Variants in PDE1C observed in about 807,000 individuals in gnomAD.
PDE1C encodes phosphodiesterase 1C.
PDE1C carries 62 observed loss-of-function variants against 93.1 expected under a neutral mutation model. That is an observed-to-expected ratio of 0.67 (90% CI 0.54 to 0.82). PDE1C has a LOEUF of 0.82. PDE1C is among the 40% of genes least tolerant of loss of function. The pLI is 0.00. For missense variants in PDE1C, 742 were observed against 884.6 expected, an observed-to-expected ratio of 0.84 and a Z score of 2.04; for synonymous variants, 325 against 310.1, an observed-to-expected ratio of 1.05 and a Z score of -0.50.
chr7:31,842,214 T>C (rs1791995079), intron 9 of PDE1C, among the ~76,000 whole-genome samples: 2 of 152,182 alleles, frequency 1.3e-5, no homozygotes, highest in African/African-American at 4.8e-5. Context: ...AATATTTTAC[T>C]GAGAATTGTT....
At chr7:32,085,273 G>T (rs1367119103) in intron 3 of PDE1C, among the ~76,000 whole-genome samples, 1 of 137,034 alleles carries the variant, frequency 7.3e-6, no homozygotes, top group African/African-American at 2.8e-5. Flanking sequence ...TAAATTCCTC[G>T]ACACATACAC....
chr7:31,712,737 G>C, the PDE1C span, among the ~76,000 whole-genome samples: 1 of 152,178 alleles, frequency 6.6e-6, no homozygotes, highest in Non-Finnish European at 1.5e-5. Flanking sequence ...TGGCTGGGGA[G>C]GCCTCACAAT....
intron 12 of PDE1C, among the ~76,000 whole-genome samples, chr7:31,827,098 A>C (rs890207167): frequency 6.6e-6 from 1 of 152,204 alleles, no homozygotes; most frequent in Non-Finnish European, 1.5e-5. Context: ...AAGTATAAAC[A>C]CATGCTATTA....
intron 3 of PDE1C, among the ~76,000 whole-genome samples, chr7:32,077,269 G>A (rs560224507): frequency 1.1e-4 from 17 of 152,154 alleles, no homozygotes; most frequent in East Asian, 3.9e-4. Flanking sequence ...AAAAAATCAC[G>A]TATGGCCAGT....
chr7:32,271,233 C>A (rs1810941585), intron 1 of PDE1C, among the ~76,000 whole-genome samples: 2 of 152,228 alleles, frequency 1.3e-5, no homozygotes, highest in South Asian at 4.1e-4. Flanking sequence ...CCACCTTGGG[C>A]AAGTCTTCTG....
the PDE1C span, among the ~76,000 whole-genome samples, chr7:31,634,320 G>C: frequency 4.6e-5 from 7 of 152,134 alleles, no homozygotes; most frequent in African/African-American, 1.7e-4. Flanking sequence ...TACGAAGATT[G>C]AGTTATAACA....
intron 1 of PDE1C, among the ~76,000 whole-genome samples, chr7:32,236,875 C>T (rs1165106155): frequency 6.6e-6 from 1 of 152,042 alleles, no homozygotes; most frequent in Non-Finnish European, 1.5e-5. Context: ...TCACCAAAAA[C>T]TGGAAACAAC....
chr7:32,318,946 A>G (rs914846785), intron 1 of PDE1C, among the ~76,000 whole-genome samples: 1 of 152,192 alleles, frequency 6.6e-6, no homozygotes, highest in Non-Finnish European at 1.5e-5. Context: ...AATGGCTGAA[A>G]TCAGCGTTGG....
At chr7:31,955,511 C>A (rs910146869) in intron 2 of PDE1C, among the ~76,000 whole-genome samples, 2 of 152,060 alleles carry the variant, frequency 1.3e-5, no homozygotes, top group Non-Finnish European at 2.9e-5. Context: ...AGGCAATTTC[C>A]AGAGAGTAGG....
intron 2 of PDE1C, among the ~76,000 whole-genome samples, chr7:31,999,906 G>A (rs1469311613): frequency 6.6e-6 from 1 of 152,198 alleles, no homozygotes; most frequent in Non-Finnish European, 1.5e-5. Context: ...GTGGTGGGAA[G>A]AACAGGCACA....
intron 2 of PDE1C, among the ~76,000 whole-genome samples, chr7:32,050,788 A>G (rs1013762158): frequency 2.6e-5 from 4 of 152,210 alleles, no homozygotes; most frequent in African/African-American, 4.8e-5. Context: ...AAGTCAGCAA[A>G]CTACATCTGT....
intron 1 of PDE1C, among the ~76,000 whole-genome samples, chr7:32,331,613 G>A (rs1257510784): frequency 6.6e-6 from 1 of 152,154 alleles, no homozygotes; most frequent in East Asian, 1.9e-4. Flanking sequence ...CCAGCTCATT[G>A]GCCCATGGAA....
At chr7:32,270,646 G>A (rs925089958) in intron 1 of PDE1C, among the ~76,000 whole-genome samples, 2 of 152,154 alleles carry the variant, frequency 1.3e-5, no homozygotes, top group Admixed American at 6.5e-5. Context: ...GGCCCAAGGC[G>A]CCCCAAGCCT....
intron 2 of PDE1C, among the ~76,000 whole-genome samples, chr7:31,914,801 A>G (rs1207227600): frequency 5.3e-5 from 8 of 152,202 alleles, no homozygotes; most frequent in African/African-American, 1.7e-4. Flanking sequence ...TTGCTGTCCA[A>G]TTAAAAAGTG....
the PDE1C span, among the ~76,000 whole-genome samples, chr7:31,671,706 G>T: frequency 6.6e-6 from 1 of 152,124 alleles, no homozygotes; most frequent in Non-Finnish European, 1.5e-5. Context: ...CATTCCTGCT[G>T]TGCCCACTCC....
chr7:32,223,066 G>A (rs1264053891), intron 1 of PDE1C, among the ~76,000 whole-genome samples: 1 of 152,156 alleles, frequency 6.6e-6, no homozygotes, highest in Non-Finnish European at 1.5e-5. Context: ...CTCACTTAGA[G>A]GTTCCCTCAG....
intron 1 of PDE1C, among the ~76,000 whole-genome samples, chr7:32,239,056 C>A (rs560610508): frequency 6.6e-6 from 1 of 152,188 alleles, no homozygotes; most frequent in Non-Finnish European, 1.5e-5. Context: ...TGCTTGAGGC[C>A]AGGGGTTTGA....
At chr7:31,791,780 A>C (rs1784622796) in intron 16 of PDE1C, among the ~76,000 whole-genome samples, 1 of 151,976 alleles carries the variant, frequency 6.6e-6, no homozygotes, top group Non-Finnish European at 1.5e-5. Context: ...AGAATGATGC[A>C]CCTCCTGCAG....
At chr7:32,321,523 A>C (rs1399937097) in intron 1 of PDE1C, among the ~76,000 whole-genome samples, 3 of 152,208 alleles carry the variant, frequency 2.0e-5, no homozygotes, top group Non-Finnish European at 4.4e-5. Flanking sequence ...AGTATGCATA[A>C]AATAGATGCC....
Sources: gnomAD v4.1 joint callset for allele counts (sites outside exome capture counted in the v4.1 genomes callset) on GRCh38, gnomAD v4.1.1 for gene constraint, MANE v1.5 for transcripts, NCBI Gene and HGNC (gene_info 2026-07-23, HGNC 2026-07-21) for gene names.